The following PEAK1 variants were observed in gnomAD, a reference collection of about 807,000 sequenced individuals.
PEAK1 encodes inactive tyrosine-protein kinase PEAK1.
In PEAK1, 54 loss-of-function variants were observed where a neutral mutation model predicts 124.7. The ratio of observed to expected loss-of-function variants is 0.43; its 90% confidence interval spans 0.35 to 0.54. The LOEUF is 0.54. PEAK1 is among the 20% of genes least tolerant of loss of function. PEAK1 has a pLI of 0.01. For synonymous variants in PEAK1, 719 were observed against 760.0 expected, an observed-to-expected ratio of 0.95 and a Z score of 0.89; for missense variants, 2,046 against 2,134.5, an observed-to-expected ratio of 0.96 and a Z score of 0.82.
intron 7 of PEAK1, among the ~76,000 whole-genome samples, chr15:77,168,328 T>C (rs1349489077): frequency 6.6e-6 from 1 of 152,026 alleles, no homozygotes; most frequent in African/African-American, 2.4e-5. Context: ...TTGGCTGGAA[T>C]GGCTGTATGT....
chr15:77,289,172 TCATTA>T (rs957380368), intron 2 of PEAK1, among the ~76,000 whole-genome samples: 6 of 152,220 alleles, frequency 3.9e-5, no homozygotes, highest in African/African-American at 1.4e-4. Flanking sequence ...TCCTGTACTT[TCATTA>T]GAGATATATT....
At chr15:77,410,856 GATACACCT>G (rs2072350942) in intron 1 of PEAK1, among the ~76,000 whole-genome samples, 1 of 152,128 alleles carries the variant, frequency 6.6e-6, no homozygotes, top group African/African-American at 2.4e-5. Context: ...CTACAAAGTA[GATACACCT>G]GTTATTTTTC....
In PEAK1 at chr15:77,262,386, G is replaced by A. The variant is rs530462602; in HGVS notation, c.-274-9860C>T. Among the ~76,000 whole-genome samples the A allele has an allele frequency of 9.7e-3, 1,467 of 151,606 alleles. 17 individuals are homozygous for A. The highest frequency in any genetic ancestry group is 0.021 in the African/African-American group (878 of 41,060). ...ACCCATCTCACATGCAGAGACACAC[G>A]TAGGCTCAAAATAAAGGGATGGAGG... On this transcript the variant is annotated intron_variant, in intron 5 of 9. Coordinates refer to ENST00000682557, the MANE Select transcript of PEAK1 (RefSeq NM_001385026.1).
At chr15:77,347,544 T>C in intron 2 of PEAK1, 1 of 985,346 alleles carries the variant, frequency 1.0e-6, no homozygotes, top group Non-Finnish European at 1.2e-6. Context: ...ATAAATGAAC[T>C]CCAATCACAA....
intron 1 of PEAK1, chr15:77,418,827 G>C: frequency 1.0e-6 from 1 of 985,112 alleles, no homozygotes; most frequent in Non-Finnish European, 1.2e-6. Context: ...CATTTATCGG[G>C]GGAAAAAAAA....
chr15:77,418,469 G>A (rs1012292194), intron 1 of PEAK1: 14 of 985,174 alleles, frequency 1.4e-5, no homozygotes, highest in Non-Finnish European at 1.7e-5. Flanking sequence ...TTGTGAGTTG[G>A]TCATATCCAA....
chr15:77,395,208 A>G (rs1461579028), intron 1 of PEAK1, among the ~76,000 whole-genome samples: 2 of 151,950 alleles, frequency 1.3e-5, no homozygotes, highest in East Asian at 3.9e-4. Flanking sequence ...CAGAAGAAAG[A>G]GTCAGTAAGC....
intron 9 of PEAK1, among the ~76,000 whole-genome samples, chr15:77,126,432 A>G (rs2052379865): frequency 1.3e-5 from 2 of 152,318 alleles, no homozygotes; most frequent in Admixed American, 6.5e-5. Context: ...AGGAAAAACA[A>G]AGATGTTTAC....
intron 6 of PEAK1, among the ~76,000 whole-genome samples, chr15:77,232,954 C>T (rs55994208): frequency 0.22 from 33,899 of 151,966 alleles, 4,221 homozygotes; most frequent in Middle Eastern, 0.3. Context: ...ACATTGTTGG[C>T]CAGGCTGGTC....
intron 8 of PEAK1, among the ~76,000 whole-genome samples, chr15:77,137,385 T>G (rs751633730): frequency 6.6e-6 from 1 of 152,162 alleles, no homozygotes; most frequent in Non-Finnish European, 1.5e-5. Context: ...AGACACTCAA[T>G]GCCAGCCCCT....
At chr15:77,127,897 T>C (rs1454357743) in intron 9 of PEAK1, among the ~76,000 whole-genome samples, 6 of 151,976 alleles carry the variant, frequency 3.9e-5, no homozygotes, top group African/African-American at 1.2e-4. Context: ...CTGGCTAACA[T>C]GGTGAAACCC....
At chr15:77,313,175 T>A (rs1006881576) in intron 2 of PEAK1, among the ~76,000 whole-genome samples, 1 of 152,082 alleles carries the variant, frequency 6.6e-6, no homozygotes, top group Non-Finnish European at 1.5e-5. Flanking sequence ...AATGCTTAAA[T>A]ACACACACAA....
At chr15:77,313,642 GTATGTATGTA>G (rs1567244271) in intron 2 of PEAK1, among the ~76,000 whole-genome samples, 3 of 99,726 alleles carry the variant, frequency 3.0e-5, no homozygotes, top group Admixed American at 1.0e-4. Flanking sequence ...ATGTATGTAT[GTATGTATGTA>G]TGTGTGTGTG....
At chr15:77,284,296 T>C (rs1048942170) in intron 4 of PEAK1, among the ~76,000 whole-genome samples, 1 of 152,210 alleles carries the variant, frequency 6.6e-6, no homozygotes, top group African/African-American at 2.4e-5. Context: ...TAAAGACTTA[T>C]CTCGCAACCA....
intron 2 of PEAK1, among the ~76,000 whole-genome samples, chr15:77,363,972 G>A (rs1400187615): frequency 6.6e-6 from 1 of 152,166 alleles, no homozygotes; most frequent in African/African-American, 2.4e-5. Flanking sequence ...GCCGAGGTGG[G>A]AGGATCACTT....
At chr15:77,163,473 T>C (rs2055836774) in intron 7 of PEAK1, among the ~76,000 whole-genome samples, 1 of 152,244 alleles carries the variant, frequency 6.6e-6, no homozygotes. Flanking sequence ...CTCACTTGGT[T>C]TACCCAGGTG....
intron 6 of PEAK1, among the ~76,000 whole-genome samples, chr15:77,218,300 T>G (rs750369004): frequency 2.0e-5 from 3 of 152,286 alleles, no homozygotes; most frequent in Admixed American, 2.0e-4. Context: ...ATATTAAAGT[T>G]TCCCCATTAC....
intron 5 of PEAK1, among the ~76,000 whole-genome samples, chr15:77,275,417 G>A (rs1452787593): frequency 6.6e-6 from 1 of 152,132 alleles, no homozygotes; most frequent in Non-Finnish European, 1.5e-5. Context: ...CTTATACACA[G>A]ATTTTAAGAA....
intron 5 of PEAK1, among the ~76,000 whole-genome samples, chr15:77,271,612 T>A (rs1273434954): frequency 6.6e-6 from 1 of 151,924 alleles, no homozygotes; most frequent in African/African-American, 2.4e-5. Context: ...AAAAAAAGGG[T>A]GAGTTCATGT....
Sources: allele counts gnomAD v4.1 joint callset (sites outside exome capture counted in the v4.1 genomes callset), GRCh38; gene constraint gnomAD v4.1.1; transcripts MANE v1.5; gene names NCBI Gene and HGNC (gene_info 2026-07-23, HGNC 2026-07-21).